The following KIR3DL1 variants were observed in gnomAD, a reference collection of about 807,000 sequenced individuals.
The protein encoded by KIR3DL1 is killer cell immunoglobulin-like receptor 3DL1.
A neutral mutation model predicts 40.3 loss-of-function variants in KIR3DL1; 50 were observed. The ratio of observed to expected loss-of-function variants is 1.24; its 90% CI spans 0.99 to 1.57. The LOEUF (loss-of-function observed/expected upper bound fraction) is 1.57, where lower values mean the gene tolerates loss of function less well. Ranked by LOEUF, KIR3DL1 falls within the 40% of genes most tolerant of loss-of-function variation. KIR3DL1 has a pLI of 0.00. For missense variants in KIR3DL1, 661 were observed against 559.9 expected (o/e 1.18, Z -1.82); for synonymous variants, 257 against 207.2 (o/e 1.24, Z -2.07).
At position 54,818,598 on chromosome 19, in the gene KIR3DL1, AG is replaced by A; in HGVS notation, c.355+1del. On this transcript the variant is annotated frameshift_variant and splice_region_variant, in exon 3 of 9. Coordinates refer to ENST00000391728, the Ensembl canonical transcript of KIR3DL1. LOFTEE classifies it high-confidence loss of function. Reference sequence around the variant, plus strand: ...GCAACCCCGTGGTGATCATGGTCACAGGTCAGAGGCTTTCCGTCTGGGCTTC... The same window carrying A: ...GCAACCCCGTGGTGATCATGGTCACAGTCAGAGGCTTTCCGTCTGGGCTTC... 6.2e-7 allele frequency: 1 copy of A among 1,608,542 alleles called. No homozygotes were observed. Among genetic ancestry groups the A allele is most frequent in the Non-Finnish European group, 8.5e-7 (1 of 1,179,280 alleles).
chr19:54,828,001 G>A (rs1252430196), intron 6 of KIR3DL1, among the ~76,000 whole-genome samples: 2 of 150,452 alleles, frequency 1.3e-5, no homozygotes, highest in Non-Finnish European at 2.9e-5. Context: ...TCAGAGATCA[G>A]TGCCAGCACT....
chr19:54,817,026 C>A (rs1368443982), intron 1 of KIR3DL1, among the ~76,000 whole-genome samples: 2 of 121,826 alleles, frequency 1.6e-5, no homozygotes, highest in African/African-American at 3.3e-5. Flanking sequence ...AAGTGGAGAT[C>A]TGGGCCTGGA....
chr19:54,827,862 T>C (rs1484078606), intron 6 of KIR3DL1, among the ~76,000 whole-genome samples: 1 of 150,246 alleles, frequency 6.7e-6, no homozygotes, highest in Non-Finnish European at 1.5e-5. Flanking sequence ...GCTCTGGTCA[T>C]CACAAAAAAA....
intron 6 of KIR3DL1, 66 bp from the exon 7 acceptor site, chr19:54,829,295 T>C: frequency 7.8e-7 from 1 of 1,279,794 alleles, no homozygotes. Flanking sequence ...AATCAAGAAA[T>C]GCAAGACAAT....
intron 1 of KIR3DL1, among the ~76,000 whole-genome samples, chr19:54,817,075 G>A (rs1298703047): frequency 3.3e-5 from 5 of 149,708 alleles, no homozygotes; most frequent in Non-Finnish European, 5.9e-5. Flanking sequence ...TGGGCCTGGG[G>A]TGGAGATACG....
intron 5 of KIR3DL1, among the ~76,000 whole-genome samples, 193 bp downstream of exon 5, chr19:54,822,051 A>G (rs1436748503): frequency 3.3e-5 from 5 of 150,892 alleles, no homozygotes; most frequent in East Asian, 1.9e-4. Flanking sequence ...GAGGCCTCCG[A>G]TCAGGGCTCC....
At position 54,823,827 on chromosome 19, in the gene KIR3DL1, T is replaced by C. The variant is rs766222297; in HGVS notation, c.950-1201T>C. On this transcript the variant is annotated intron_variant, in intron 5 of 8. Transcript: ENST00000391728. ...GGGATGAGATGAAAACTCATCGCGA[T>C]TGTAATTTACATTTCTCTGATGATG... 8.0e-4 allele frequency among the ~76,000 whole-genome samples: 122 copies of C among 151,758 alleles called. 3 individuals are homozygous for C. The highest frequency in any genetic ancestry group is 6.8e-3 in the Middle Eastern group (2 of 294).
At chr19:54,826,489 T>C (rs1477179893) in intron 6 of KIR3DL1, among the ~76,000 whole-genome samples, 1 of 143,418 alleles carries the variant, frequency 7.0e-6, no homozygotes. Flanking sequence ...TAATTCTTTT[T>C]GTATATTTTT....
exon 9 of KIR3DL1, chr19:54,830,663 T>C (rs2062183868): frequency 4.0e-6 from 1 of 247,160 alleles, no homozygotes. Flanking sequence ...CCTTCCCTCA[T>C]GCTGTTTCAC....
chr19:54,828,481 C>A (rs1363695713), intron 6 of KIR3DL1, among the ~76,000 whole-genome samples: 6 of 151,086 alleles, frequency 4.0e-5, no homozygotes, highest in African/African-American at 7.4e-5. Flanking sequence ...CAGCGAGTGA[C>A]AACAGAAGCC....
intron 6 of KIR3DL1, 53 bp downstream of exon 6, chr19:54,825,131 G>C: frequency 8.4e-7 from 1 of 1,192,744 alleles, no homozygotes; most frequent in Admixed American, 1.7e-5. Flanking sequence ...GGAGGTGGAA[G>C]CCTTGGATGC....
chr19:54,823,445 G>T lies in KIR3DL1; in HGVS notation c.950-1583G>T, dbSNP rs1398411938. ...TTCTCCTTTCTCTACCATCTTGCCA[G>T]CATTTGTTTTGCCTGTCTTGCAGTA... On this transcript the variant is annotated intron_variant, in intron 5 of 8. Coordinates refer to ENST00000391728, the Ensembl canonical transcript of KIR3DL1. 3.3e-5 allele frequency among the ~76,000 whole-genome samples: 5 copies of T among 149,518 alleles called. 1 individual carries two copies. The highest frequency in any genetic ancestry group is 1.2e-4 in the African/African-American group (5 of 40,722).
At chr19:54,823,673 TGTTTAGTAGAG>T (rs1443316495) in intron 5 of KIR3DL1, among the ~76,000 whole-genome samples, 1 of 151,326 alleles carries the variant, frequency 6.6e-6, no homozygotes, top group Non-Finnish European at 1.5e-5. Context: ...AATTTTTGTA[TGTTTAGTAGAG>T]AGGGAGTTTC....
At chr19:54,822,617 G>A (rs1349074876) in intron 5 of KIR3DL1, among the ~76,000 whole-genome samples, 14 of 150,780 alleles carry the variant, frequency 9.3e-5, no homozygotes, top group African/African-American at 3.4e-4. Flanking sequence ...GACAGAGAGA[G>A]ACTCTGTTTC....
At chr19:54,819,652 A>C in intron 3 of KIR3DL1, 61 bp from the exon 4 acceptor site, 2 of 1,545,714 alleles carry the variant, frequency 1.3e-6, no homozygotes, top group Admixed American at 3.5e-5. Context: ...CACTCATTCC[A>C]GGTGCCATGG....
chr19:54,818,039 T>C (rs2061436221), intron 2 of KIR3DL1, among the ~76,000 whole-genome samples: 1 of 148,922 alleles, frequency 6.7e-6, no homozygotes, highest in South Asian at 2.2e-4. Context: ...GGACTTGCCC[T>C]CCATGCCGTG....
rs745677119 is a variant in KIR3DL1 at position 54,830,069 on chromosome 19, C to A, written c.1159-30C>A. ...GCACCCTCCCTCACTCAGCATTTCC[C>A]TCCCTCACTCAGCATTTCCCTCTCT... On this transcript the variant is annotated intron_variant, in intron 8 of 8. Transcript: ENST00000391728. The A allele has an allele frequency of 1.6e-5, 25 of 1,523,166 alleles. 6 individuals are homozygous for A. Among genetic ancestry groups the A allele is most frequent in the Non-Finnish European group, 1.8e-5 (20 of 1,122,206 alleles). 94.4% of individuals were successfully genotyped at this position (1,523,166 alleles called of 1,614,324 possible).
intron 6 of KIR3DL1, among the ~76,000 whole-genome samples, chr19:54,826,859 G>T (rs373499466): frequency 3.3e-4 from 49 of 148,628 alleles, no homozygotes; most frequent in Non-Finnish European, 1.1e-4. Flanking sequence ...ATGACAAGAC[G>T]ACTGTGGAGA....
chr19:54,818,577 C>T (rs753375936), exon 3 of KIR3DL1: 7 of 1,611,000 alleles, frequency 4.3e-6, no homozygotes, highest in Non-Finnish European at 5.9e-6. Flanking sequence ...CACCCAGCAA[C>T]CCCGTGGTGA....
Sources: allele counts gnomAD v4.1 joint callset (sites outside exome capture counted in the v4.1 genomes callset), GRCh38; gene constraint gnomAD v4.1.1; transcripts MANE v1.5; gene names NCBI Gene and HGNC (gene_info 2026-07-23, HGNC 2026-07-21).